The following NKAIN2 variants were observed in gnomAD, a reference collection of about 807,000 sequenced individuals.
NKAIN2 encodes sodium/potassium-transporting ATPase subunit beta-1-interacting protein 2.
NKAIN2 carries 14 observed loss-of-function variants against 32.6 expected under a neutral mutation model. The ratio of observed to expected loss-of-function variants is 0.43; its 90% confidence interval spans 0.28 to 0.67. The LOEUF (loss-of-function observed/expected upper bound fraction) is 0.67. Ranked by LOEUF, NKAIN2 falls within the 30% of genes least tolerant of loss-of-function variation. The probability of loss-of-function intolerance (pLI) is 0.17; values close to 1 mark genes in which losing one functional copy is unlikely to be tolerated. For synonymous variants in NKAIN2, 80 were observed against 87.2 expected, an observed-to-expected ratio of 0.92 and a Z score of 0.46; for missense variants, 198 against 258.3, an observed-to-expected ratio of 0.77 and a Z score of 1.60.
At chr6:123,806,368 A>G (rs1773213769) in intron 1 of NKAIN2, among the ~76,000 whole-genome samples, 1 of 152,116 alleles carries the variant, frequency 6.6e-6, no homozygotes, top group South Asian at 2.1e-4. Context: ...ACGCAGATGC[A>G]GAACAAAAAA....
intron 2 of NKAIN2, among the ~76,000 whole-genome samples, chr6:124,295,983 T>C (rs1453706103): frequency 6.6e-6 from 1 of 152,128 alleles, no homozygotes; most frequent in Non-Finnish European, 1.5e-5. Context: ...AAAAAGACTA[T>C]CTCAATGAAT....
intron 2 of NKAIN2, among the ~76,000 whole-genome samples, chr6:124,291,297 T>C (rs76793952): frequency 0.3 from 45,000 of 151,856 alleles, 9,173 homozygotes; most frequent in African/African-American, 0.58. Context: ...TTATTATTGT[T>C]TTGGCATTTC....
In NKAIN2 at chr6:124,063,663, A is replaced by G. The variant is rs963996008; in HGVS notation, c.55-219342A>G. 3.9e-5 allele frequency among the ~76,000 whole-genome samples: 6 copies of G among 152,286 alleles called. No individual in the cohort carries two copies. In the East Asian group the frequency reaches 7.7e-4, roughly 20 times the overall value. On this transcript the variant is annotated intron_variant, in intron 1 of 6. Transcript: ENST00000368417. ...AGCTAGTTACTGAGAGGGTTCAGAC[A>G]AAAATCCAGAACTATATATTTGGTT... is the stretch of plus-strand genomic sequence containing the variant.
intron 2 of NKAIN2, among the ~76,000 whole-genome samples, chr6:124,316,000 T>C (rs1427733582): frequency 6.6e-6 from 1 of 151,982 alleles, no homozygotes; most frequent in Non-Finnish European, 1.5e-5. Flanking sequence ...GAAAGAAAAA[T>C]CAACAAAGAG....
At chr6:124,628,367 A>G (rs987367633) in intron 3 of NKAIN2, among the ~76,000 whole-genome samples, 2 of 152,114 alleles carry the variant, frequency 1.3e-5, no homozygotes, top group African/African-American at 4.8e-5. Flanking sequence ...AAAGTTTTTG[A>G]AGGCTATGAT....
intron 3 of NKAIN2, among the ~76,000 whole-genome samples, chr6:124,475,831 A>G (rs1777173504): frequency 6.6e-6 from 1 of 152,200 alleles, no homozygotes. Context: ...GATTTTTGTG[A>G]GAGAACTGAT....
At chr6:124,684,868 C>A (rs927720574) in intron 4 of NKAIN2, among the ~76,000 whole-genome samples, 1 of 152,188 alleles carries the variant, frequency 6.6e-6, no homozygotes, top group African/African-American at 2.4e-5. Context: ...GCATTCCATT[C>A]CCTGCCCTTT....
chr6:124,229,553 C>T (rs1185063142), intron 1 of NKAIN2, among the ~76,000 whole-genome samples: 1 of 146,488 alleles, frequency 6.8e-6, no homozygotes, highest in East Asian at 2.1e-4. Context: ...GACAGACAGA[C>T]AGACAGACAG....
intron 1 of NKAIN2, among the ~76,000 whole-genome samples, chr6:124,197,842 T>G (rs1338793860): frequency 6.6e-6 from 1 of 150,664 alleles, no homozygotes; most frequent in Non-Finnish European, 1.5e-5. Flanking sequence ...GTCTGGTTTT[T>G]TTTTTTTTTT....
chr6:124,132,002 A>T (rs1459598268), intron 1 of NKAIN2, among the ~76,000 whole-genome samples: 1 of 152,104 alleles, frequency 6.6e-6, no homozygotes, highest in African/African-American at 2.4e-5. Context: ...CTCAGAAGGG[A>T]AGCTTATGGC....
chr6:124,527,511 A>T (rs1779363872), intron 3 of NKAIN2, among the ~76,000 whole-genome samples: 1 of 152,166 alleles, frequency 6.6e-6, no homozygotes, highest in Admixed American at 6.5e-5. Context: ...ACACTTTCTT[A>T]TTGTGGGGGT....
At chr6:124,206,621 T>A (rs1790900538) in intron 1 of NKAIN2, among the ~76,000 whole-genome samples, 1 of 151,920 alleles carries the variant, frequency 6.6e-6, no homozygotes, top group Non-Finnish European at 1.5e-5. Flanking sequence ...ATCCACAGTA[T>A]CAGAATATTA....
At chr6:124,006,718 G>A (rs997414232) in intron 1 of NKAIN2, among the ~76,000 whole-genome samples, 1 of 152,118 alleles carries the variant, frequency 6.6e-6, no homozygotes, top group African/African-American at 2.4e-5. Flanking sequence ...GCAGGATGCT[G>A]TACTCTGGTG....
At chr6:124,271,056 G>C (rs1159245187) in intron 1 of NKAIN2, among the ~76,000 whole-genome samples, 1 of 152,142 alleles carries the variant, frequency 6.6e-6, no homozygotes, top group Non-Finnish European at 1.5e-5. Flanking sequence ...GATAGTGAGT[G>C]AGTTTTCACA....
At chr6:124,494,522 C>A (rs543451043) in intron 3 of NKAIN2, among the ~76,000 whole-genome samples, 1 of 152,138 alleles carries the variant, frequency 6.6e-6, no homozygotes, top group Admixed American at 6.6e-5. Context: ...TAATATGATT[C>A]TTAATAGAAC....
intron 3 of NKAIN2, among the ~76,000 whole-genome samples, chr6:124,441,755 G>A (rs1315361598): frequency 6.6e-6 from 1 of 152,058 alleles, no homozygotes; most frequent in Non-Finnish European, 1.5e-5. Context: ...TAAGCCACTA[G>A]AGATGGTTTT....
At chr6:124,229,275 A>G (rs1479201948) in intron 1 of NKAIN2, among the ~76,000 whole-genome samples, 1 of 152,170 alleles carries the variant, frequency 6.6e-6, no homozygotes, top group Non-Finnish European at 1.5e-5. Context: ...TGGCTGTGGC[A>G]GGTAGCTACT....
chr6:124,628,156 C>T (rs995447027), intron 3 of NKAIN2, among the ~76,000 whole-genome samples: 7 of 152,160 alleles, frequency 4.6e-5, no homozygotes, highest in Non-Finnish European at 1.0e-4. Flanking sequence ...CCACAATTCC[C>T]TCTTACATCT....
At position 124,688,006 on chromosome 6, in the gene NKAIN2, A is replaced by G. The variant is rs1478104572; in HGVS notation, c.474+29620A>G. 4.6e-5 allele frequency among the ~76,000 whole-genome samples: 7 copies of G among 151,924 alleles called. No homozygotes were observed. In the East Asian group the frequency reaches 9.7e-4, roughly 21 times the overall value. Reference sequence around the variant, plus strand: ...CAACCAGCTATTATGCTTTTGAAAAACAATTTACTAACCATCATTATTCAT... The same window carrying G: ...CAACCAGCTATTATGCTTTTGAAAAGCAATTTACTAACCATCATTATTCAT... On this transcript the variant is annotated intron_variant, in intron 4 of 6. Transcript: ENST00000368417.
Sources: gnomAD v4.1 joint callset for allele counts (sites outside exome capture counted in the v4.1 genomes callset) on GRCh38, gnomAD v4.1.1 for gene constraint, MANE v1.5 for transcripts, NCBI Gene and HGNC (gene_info 2026-07-23, HGNC 2026-07-21) for gene names.